The following ARID1A variants were observed in gnomAD, a reference collection of about 807,000 sequenced individuals.
The protein encoded by ARID1A is AT-rich interactive domain-containing protein 1A.
Under a neutral mutation model 212.6 loss-of-function variants are expected in ARID1A, and 20 were observed. The ratio of observed to expected loss-of-function variants is 0.09; its 90% CI spans 0.07 to 0.14. The LOEUF is 0.14. Ranked by LOEUF, ARID1A falls within the 10% of genes least tolerant of loss-of-function variation. ARID1A has a pLI of 1.00. For synonymous variants in ARID1A, 1,376 were observed against 1,222.1 expected, an observed-to-expected ratio of 1.13 and a Z score of -2.63; for missense variants, 2,587 against 3,059.0, an observed-to-expected ratio of 0.85 and a Z score of 3.64.
At chr1:26,772,726 T>C (rs2124105770) in intron 13 of ARID1A, 86 bp from the exon 14 acceptor site, 1 of 1,606,806 alleles carries the variant, frequency 6.2e-7, no homozygotes, top group Non-Finnish European at 8.5e-7. Context: ...TGCCTCTGCC[T>C]TCCCAGCCAG....
At chr1:26,756,909 A>G (rs1479818201) in intron 4 of ARID1A, among the ~76,000 whole-genome samples, 2 of 151,790 alleles carry the variant, frequency 1.3e-5, no homozygotes, top group Non-Finnish European at 2.9e-5. Flanking sequence ...TCACCGTGTT[A>G]GCCAGTATGG....
intron 1 of ARID1A, among the ~76,000 whole-genome samples, chr1:26,706,225 G>C (rs1258445491): frequency 2.0e-5 from 3 of 152,158 alleles, no homozygotes; most frequent in African/African-American, 7.2e-5. Context: ...TGCAAAGTTA[G>C]ATATTAGACT....
Position 26,731,679 on chromosome 1 carries a change from T to C in ARID1A, c.1803+75T>C, listed in dbSNP as rs373866286. ...TTGGGGGTTAGTGTCATGAGAACTT[T>C]GCTGTACAGAGTGGTTCTCTAACGT... On this transcript the variant is annotated intron_variant, in intron 3 of 19. Coordinates refer to ENST00000324856, the MANE Select transcript of ARID1A (RefSeq NM_006015.6). 363 of 1,510,940 alleles carry C rather than the reference T, an allele frequency of 2.4e-4. 1 individual carries two copies. In the African/African-American group the frequency reaches 4.2e-3, roughly 18 times the overall value. 93.6% of individuals were successfully genotyped at this position (1,510,940 alleles called of 1,614,324 possible). A position where few individuals can be genotyped will look rare whatever the true frequency, so the allele number is the denominator to read the frequency against.
intron 4 of ARID1A, among the ~76,000 whole-genome samples, chr1:26,734,694 G>T (rs1570578849): frequency 1.3e-5 from 2 of 152,296 alleles, no homozygotes; most frequent in African/African-American, 2.4e-5. Context: ...TGAAATTTTG[G>T]TTTGATGCCA....
chr1:26,756,495 G>A (rs1271429926), intron 4 of ARID1A, among the ~76,000 whole-genome samples: 1 of 151,196 alleles, frequency 6.6e-6, no homozygotes, highest in Non-Finnish European at 1.5e-5. Context: ...GGTGGAAGTT[G>A]CAGTGAGCCA....
intron 4 of ARID1A, among the ~76,000 whole-genome samples, chr1:26,748,286 A>G (rs2080855292): frequency 6.6e-6 from 1 of 152,112 alleles, no homozygotes; most frequent in Non-Finnish European, 1.5e-5. Context: ...GTGGAAGCCT[A>G]AGGCAACACC....
At chr1:26,724,360 C>G (rs2080596600) in intron 1 of ARID1A, among the ~76,000 whole-genome samples, 1 of 152,164 alleles carries the variant, frequency 6.6e-6, no homozygotes. Context: ...CTTAGGGTTG[C>G]CGCCTGGTCA....
At chr1:26,732,493 G>A (rs1343724456) in intron 3 of ARID1A, among the ~76,000 whole-genome samples, 183 bp from the exon 4 acceptor site, 2 of 152,198 alleles carry the variant, frequency 1.3e-5, no homozygotes, top group Non-Finnish European at 2.9e-5. Context: ...CTGTCAGAAA[G>A]AGTCCACTGT....
chr1:26,753,893 G>T (rs191706866), intron 4 of ARID1A, among the ~76,000 whole-genome samples: 55 of 152,250 alleles, frequency 3.6e-4, no homozygotes, highest in African/African-American at 9.4e-4. Flanking sequence ...TGCAAGCTCC[G>T]CCTCCTGGAT....
Position 26,696,566 on chromosome 1 carries a change from G to A in ARID1A, c.163G>A (p.Gly55Arg), listed in dbSNP as rs1482791997. The change falls in exon 1 of 20, where the codon GGG becomes AGG. Residue 55 changes from glycine to arginine, a missense_variant. Coordinates refer to ENST00000324856, the MANE Select transcript of ARID1A (RefSeq NM_006015.6). ...GCGCGGGGAAATGAAGGCAGCCGCC[G>A]GGCAGGAAAGCGAGGGCCCCGCCGT... The part of the protein sequence containing the change: ...AERGEMKAAA[G>R]QESEGPAVGP... 2.4e-6 allele frequency: 3 copies of A among 1,228,222 alleles called. No individual in the cohort carries two copies. The highest frequency in any genetic ancestry group is 3.0e-6 in the Non-Finnish European group (3 of 988,364). The allele number at this position is 1,228,222 out of a possible 1,614,324, so 76.1% of individuals were successfully genotyped here. A position where few individuals can be genotyped will look rare whatever the true frequency, so the allele number is the denominator to read the frequency against.
intron 1 of ARID1A, among the ~76,000 whole-genome samples, chr1:26,719,080 G>A (rs1055836329): frequency 1.3e-5 from 2 of 152,112 alleles, no homozygotes; most frequent in Non-Finnish European, 2.9e-5. Flanking sequence ...GCATTAATAG[G>A]GACAGGAATT....
intron 1 of ARID1A, among the ~76,000 whole-genome samples, chr1:26,720,875 GA>G (rs970063789): frequency 0.017 from 2,218 of 131,718 alleles, 44 homozygotes; most frequent in African/African-American, 0.05. Context: ...TGTCTCAAAA[GA>G]AAAAAAAAAA....
intron 8 of ARID1A, chr1:26,765,915 C>A: frequency 3.7e-6 from 1 of 271,854 alleles, no homozygotes; most frequent in East Asian, 6.7e-5. Flanking sequence ...GTGGTGCATG[C>A]CTCATAGTCT....
chr1:26,767,393 C>G (rs1202497083), intron 10 of ARID1A, among the ~76,000 whole-genome samples: 2 of 152,160 alleles, frequency 1.3e-5, no homozygotes, highest in African/African-American at 4.8e-5. Context: ...GTTCAGGCTC[C>G]TGGGTAGTAG....
chr1:26,736,123 G>A (rs1043357293), intron 4 of ARID1A, among the ~76,000 whole-genome samples: 2 of 151,744 alleles, frequency 1.3e-5, no homozygotes, highest in African/African-American at 4.8e-5. Flanking sequence ...AGGAGATCGA[G>A]ACCATCCTGG....
rs976391102 is a variant in ARID1A at position 26,697,266 on chromosome 1, A to G, written c.863A>G (p.Gln288Arg). The G allele has an allele frequency of 8.8e-6, 12 of 1,367,476 alleles. No homozygotes were observed. The highest frequency in any genetic ancestry group is 2.8e-6 in the Non-Finnish European group (3 of 1,067,882). The allele number at this position is 1,367,476 out of a possible 1,614,324, so 84.7% of individuals were successfully genotyped here. Reference sequence around the variant, plus strand: ...TCCGCGGCCGGCGGGGGAACTCCCCAGCCCACCGCCACCCCCACCCTCAAC... The same window carrying G: ...TCCGCGGCCGGCGGGGGAACTCCCCGGCCCACCGCCACCCCCACCCTCAAC... Reference protein sequence around the residue: ...GPSAAGGGTPQPTATPTLNQL... With the variant: ...GPSAAGGGTPRPTATPTLNQL... The change falls in exon 1 of 20, where the codon CAG becomes CGG. Residue 288 changes from glutamine to arginine, a missense_variant. Gln to Arg is a conservative substitution (Grantham distance 43). Transcript: ENST00000324856.
chr1:26,771,151 A>G lies in ARID1A; in HGVS notation c.3231A>G (p.Ala1077=), dbSNP rs369726023. Residue 1077 remains alanine, a synonymous_variant, in exon 12 of 20, where the codon GCA becomes GCG. Coordinates refer to ENST00000324856, the MANE Select transcript of ARID1A (RefSeq NM_006015.6). This position sits in a 1 kb window ranked among gnomAD's most constrained non-coding sequence, Gnocchi z 5.4. ...AGAACAAAAAATGGCGGGAACTTGCAACCAACCTCAATGTGGGCACATCAA... is the reference window on the plus strand; with the variant it reads ...AGAACAAAAAATGGCGGGAACTTGCGACCAACCTCAATGTGGGCACATCAA... ...VNKNKKWREL[A]TNLNVGTSSS... 1.2e-6 allele frequency: 2 copies of G among 1,614,098 alleles called. No individual in the cohort carries two copies. The highest frequency in any genetic ancestry group is 2.7e-5 in the African/African-American group (2 of 74,940).
In ARID1A at chr1:26,705,014, C is replaced by G. The variant is rs529984413; in HGVS notation, c.1137+7474C>G. 6.4e-4 allele frequency among the ~76,000 whole-genome samples: 98 copies of G among 152,266 alleles called. 2 individuals carry two copies. Among genetic ancestry groups the G allele is most frequent in the East Asian group, 1.7e-3 (9 of 5,186 alleles). ...GATCTGTGGTTGGGCCTTGGCACTTCACCGGTCAAGGATCATCAGTGGATG... is the reference window on the plus strand; with the variant it reads ...GATCTGTGGTTGGGCCTTGGCACTTGACCGGTCAAGGATCATCAGTGGATG... On this transcript the variant is annotated intron_variant, in intron 1 of 19. Coordinates refer to ENST00000324856, the MANE Select transcript of ARID1A (RefSeq NM_006015.6).
rs2124087506 is a variant in ARID1A at position 26,767,958 on chromosome 1, C to T, written c.3157C>T (p.Arg1053Cys). Reference sequence around the variant, plus strand: ...GGGTAGGAAACCTCTGGACCTCTATCGCCTCTATGTGTCTGTGAAGGAGAT... The same window carrying T: ...GGGTAGGAAACCTCTGGACCTCTATTGCCTCTATGTGTCTGTGAAGGAGAT... ...AVGRKPLDLY[R>C]LYVSVKEIGG... Residue 1053 changes from arginine (R) to cysteine (C), a missense_variant, in exon 11 of 20, where the codon CGC (arginine) becomes TGC (cysteine). Coordinates refer to ENST00000324856, the MANE Select transcript of ARID1A (RefSeq NM_006015.6). 3 of 1,614,018 alleles carry T rather than the reference C, an allele frequency of 1.9e-6. No individual in the cohort carries two copies. Among genetic ancestry groups the T allele is most frequent in the Non-Finnish European group, 2.5e-6 (3 of 1,179,948 alleles).
Sources: gnomAD v4.1 joint callset for allele counts (sites outside exome capture counted in the v4.1 genomes callset) on GRCh38, gnomAD v4.1.1 for gene constraint, Gnocchi (gnomAD v3.1) non-coding constraint, MANE v1.5 for transcripts, NCBI Gene and HGNC (gene_info 2026-07-23, HGNC 2026-07-21) for gene names.